MTUS2: variants seen among roughly 807,000 people sequenced by gnomAD.
MTUS2 encodes the protein microtubule-associated tumor suppressor candidate 2.
Under a neutral mutation model 114.1 loss-of-function variants are expected in MTUS2, and 40 were observed. The observed-to-expected ratio is 0.35, with a 90% confidence interval of 0.27 to 0.46. MTUS2 has a LOEUF of 0.46. MTUS2 is among the 20% of genes least tolerant of loss of function. The pLI is 1.00. For synonymous variants in MTUS2, 688 were observed against 672.0 expected, an observed-to-expected ratio of 1.02 and a Z score of -0.37; for missense variants, 1,679 against 1,705.4, an observed-to-expected ratio of 0.98 and a Z score of 0.27.
At chr13:28,853,598 A>G (rs890217494) in intron 2 of MTUS2, among the ~76,000 whole-genome samples, 4 of 152,212 alleles carry the variant, frequency 2.6e-5, no homozygotes, top group African/African-American at 9.7e-5. Context: ...TTTTTGCTGC[A>G]TATGTGTATG....
At chr13:29,442,664 G>C (rs549846690) in intron 9 of MTUS2, among the ~76,000 whole-genome samples, 1 of 106,640 alleles carries the variant, frequency 9.4e-6, no homozygotes, top group East Asian at 2.9e-4. Flanking sequence ...TGTTTCCCTC[G>C]GAAGTATTGA....
rs145994658 is a variant in MTUS2, at chr13:29,367,926, C to T, written c.3117+8453C>T. Among the ~76,000 whole-genome samples the T allele has an allele frequency of 1.6e-3, 240 of 146,316 alleles. 8 individuals carry two copies. The East Asian group carries it at 0.039, about 24-fold the overall frequency. ...GGACCTGTAGCTTTTCTTTTTTTTC[C>T]TCCTAGAATCTACTTCTTTTTTTTT... On this transcript the variant is annotated intron_variant, in intron 8 of 15. Coordinates refer to ENST00000612955, the MANE Select transcript of MTUS2 (RefSeq NM_001033602.4).
intron 5 of MTUS2, among the ~76,000 whole-genome samples, chr13:29,241,129 C>A (rs1270379186): frequency 6.6e-6 from 1 of 152,086 alleles, no homozygotes; most frequent in African/African-American, 2.4e-5. Context: ...AAGGGGAAGA[C>A]CCTTCAACAG....
At chr13:28,883,436 C>T (rs1455120743) in intron 2 of MTUS2, among the ~76,000 whole-genome samples, 2 of 152,124 alleles carry the variant, frequency 1.3e-5, no homozygotes, top group African/African-American at 2.4e-5. Context: ...AACTGTGATA[C>T]ATCCATACCA....
At chr13:29,235,099 T>G (rs1236294510) in intron 5 of MTUS2, among the ~76,000 whole-genome samples, 4 of 152,112 alleles carry the variant, frequency 2.6e-5, no homozygotes, top group Non-Finnish European at 5.9e-5. Context: ...AATTAATTAA[T>G]TAATTAATTT....
At chr13:28,924,844 T>C (rs540775639) in intron 2 of MTUS2, among the ~76,000 whole-genome samples, 1 of 152,120 alleles carries the variant, frequency 6.6e-6, no homozygotes, top group South Asian at 2.1e-4. Context: ...CACTTTAAGA[T>C]TAGTGAGTAT....
intron 5 of MTUS2, among the ~76,000 whole-genome samples, chr13:29,218,813 T>C (rs908475101): frequency 1.6e-4 from 25 of 152,234 alleles, no homozygotes; most frequent in African/African-American, 6.0e-4. Flanking sequence ...TGTAAATAGA[T>C]GTGCTATCAT....
At chr13:28,887,074 G>A (rs191525292) in intron 2 of MTUS2, among the ~76,000 whole-genome samples, 6 of 152,306 alleles carry the variant, frequency 3.9e-5, no homozygotes, top group Admixed American at 1.3e-4. Flanking sequence ...CGGAGGTTAA[G>A]GTTGGAAGTA....
intron 6 of MTUS2, among the ~76,000 whole-genome samples, chr13:29,309,144 C>T (rs1290524826): frequency 6.6e-6 from 1 of 152,102 alleles, no homozygotes; most frequent in East Asian, 1.9e-4. Flanking sequence ...TATTGCAGCA[C>T]CCTTCACAAT....
chr13:29,208,480 G>T (rs9506121), intron 5 of MTUS2, among the ~76,000 whole-genome samples: 3,896 of 151,182 alleles, frequency 0.026, 98 homozygotes, highest in East Asian at 0.067. Context: ...TTTGTGTTTG[G>T]TTTTTTTTGT....
chr13:29,260,295 C>T (rs1270760630), intron 5 of MTUS2, among the ~76,000 whole-genome samples: 4 of 152,180 alleles, frequency 2.6e-5, no homozygotes, highest in Non-Finnish European at 2.9e-5. Context: ...TTTAGTACAG[C>T]TCCTGAAGAT....
intron 8 of MTUS2, among the ~76,000 whole-genome samples, chr13:29,394,402 G>T (rs906548739): frequency 6.6e-6 from 1 of 152,118 alleles, no homozygotes; most frequent in Non-Finnish European, 1.5e-5. Flanking sequence ...ATTGGCAATT[G>T]GTTGAAAGAG....
intron 8 of MTUS2, among the ~76,000 whole-genome samples, chr13:29,360,131 A>G (rs946737764): frequency 1.9e-4 from 29 of 152,356 alleles, no homozygotes; most frequent in Admixed American, 7.8e-4. Flanking sequence ...GTGGGAGCCT[A>G]GTGTCCCACT....
intron 1 of MTUS2, among the ~76,000 whole-genome samples, chr13:28,830,089 G>C (rs1874561256): frequency 6.6e-6 from 1 of 152,140 alleles, no homozygotes; most frequent in Non-Finnish European, 1.5e-5. Context: ...CTAGACTTCA[G>C]CAGCTGCACA....
At chr13:29,174,265 T>C (rs1018075633) in intron 5 of MTUS2, among the ~76,000 whole-genome samples, 4 of 152,126 alleles carry the variant, frequency 2.6e-5, no homozygotes. Flanking sequence ...ATGTATTCTC[T>C]TTACCTCTGA....
At chr13:29,174,711 G>A (rs1485487050) in intron 5 of MTUS2, among the ~76,000 whole-genome samples, 1 of 152,148 alleles carries the variant, frequency 6.6e-6, no homozygotes, top group Non-Finnish European at 1.5e-5. Context: ...ATACCATGTG[G>A]ACAAGAATTT....
At chr13:28,964,490 C>T (rs1055529677) in intron 2 of MTUS2, among the ~76,000 whole-genome samples, 2 of 152,050 alleles carry the variant, frequency 1.3e-5, no homozygotes, top group African/African-American at 2.4e-5. Context: ...TTTGTCAAAC[C>T]GGCCAGTCTT....
chr13:29,307,381 G>A (rs183908415), intron 6 of MTUS2: 16 of 859,406 alleles, frequency 1.9e-5, no homozygotes, highest in Non-Finnish European at 2.7e-5. Context: ...TAGCCATGGG[G>A]CTCTCCAGAA....
At chr13:29,205,215 A>C (rs367574436) in intron 5 of MTUS2, among the ~76,000 whole-genome samples, 1 of 152,222 alleles carries the variant, frequency 6.6e-6, no homozygotes, top group East Asian at 1.9e-4. Flanking sequence ...TGTGTGTTTC[A>C]TTCTTCTAGG....
Sources: gnomAD v4.1 joint callset for allele counts (sites outside exome capture counted in the v4.1 genomes callset) on GRCh38, gnomAD v4.1.1 for gene constraint, MANE v1.5 for transcripts, NCBI Gene and HGNC (gene_info 2026-07-23, HGNC 2026-07-21) for gene names.